The following FRAS1 variants were observed in gnomAD, a reference collection of about 807,000 sequenced individuals.
The protein encoded by FRAS1 is extracellular matrix organizing protein FRAS1.
Under a neutral mutation model 435.2 loss-of-function variants are expected in FRAS1, and 290 were observed. That is an observed-to-expected ratio of 0.67 (90% CI 0.61 to 0.73). The LOEUF is 0.73. Among genes scored for constraint, FRAS1 ranks in the 30% least tolerant of loss-of-function variants. The pLI, the probability that FRAS1 is intolerant of heterozygous loss-of-function variation, is 0.00. For missense variants in FRAS1, 4,860 were observed against 5,001.5 expected (o/e 0.97, Z 0.85); for synonymous variants, 1,800 against 1,851.0 (o/e 0.97, Z 0.71).
At chr4:78,330,923 T>C (rs1729922280) in intron 18 of FRAS1, among the ~76,000 whole-genome samples, 1 of 152,218 alleles carries the variant, frequency 6.6e-6, no homozygotes, top group Non-Finnish European at 1.5e-5. Flanking sequence ...CTCCTTCCCC[T>C]TTTGAAACTC....
intron 2 of FRAS1, among the ~76,000 whole-genome samples, chr4:78,132,524 C>CT (rs1352625280): frequency 6.6e-6 from 1 of 152,058 alleles, no homozygotes; most frequent in African/African-American, 2.4e-5. Context: ...TTGTAAGCAC[C>CT]TTTTTTGACT....
intron 14 of FRAS1, among the ~76,000 whole-genome samples, chr4:78,302,053 G>C (rs569208875): frequency 2.0e-5 from 3 of 148,628 alleles, no homozygotes; most frequent in African/African-American, 7.5e-5. Context: ...CCCTTCCTGT[G>C]TCCATGTGTT....
chr4:78,204,282 A>G (rs1384428004), intron 2 of FRAS1, among the ~76,000 whole-genome samples: 1 of 152,232 alleles, frequency 6.6e-6, no homozygotes, highest in Non-Finnish European at 1.5e-5. Context: ...ATGTTTTAGA[A>G]CGAAACTACC....
At chr4:78,277,814 T>A (rs1578223821) in intron 9 of FRAS1, among the ~76,000 whole-genome samples, 2 of 152,146 alleles carry the variant, frequency 1.3e-5, no homozygotes, top group South Asian at 2.1e-4. Flanking sequence ...GTATTCCACT[T>A]ATAATTTTTT....
In FRAS1 at chr4:78,074,734, T is replaced by G. The variant is rs79812386; in HGVS notation, c.108+8718T>G. Reference sequence around the variant, plus strand: ...TGAGATATGTGTGGAACTGCTAATATTGTTGGGTGTTTGAAAGGACCCCAT... The same window carrying G: ...TGAGATATGTGTGGAACTGCTAATAGTGTTGGGTGTTTGAAAGGACCCCAT... On this transcript the variant is annotated intron_variant, in intron 2 of 73. Transcript: ENST00000512123. 3.0e-3 allele frequency among the ~76,000 whole-genome samples: 454 copies of G among 152,266 alleles called. 2 individuals are homozygous for G. The highest frequency in any genetic ancestry group is 0.011 in the African/African-American group (437 of 41,548).
chr4:78,094,104 GTT>G lies in FRAS1; in HGVS notation c.108+28111_108+28112del, dbSNP rs71214395. ...GGTAAAATTATTTTTGAATAACCAAGTTTTTTTTTTTTTTTTTTTTTTTTGCA... is the reference window on the plus strand; with the variant it reads ...GGTAAAATTATTTTTGAATAACCAAGTTTTTTTTTTTTTTTTTTTTTTGCA... On this transcript the variant is annotated intron_variant, in intron 2 of 73. Transcript: ENST00000512123. Among the ~76,000 whole-genome samples, 265 of 106,588 alleles carry G rather than the reference GTT, an allele frequency of 2.5e-3. 1 individual carries two copies. Among genetic ancestry groups the G allele is most frequent in the Middle Eastern group, 0.011 (2 of 176 alleles). 69.9% of individuals were successfully genotyped at this position (106,588 alleles called of 152,430 possible).
At chr4:78,248,333 T>TC (rs1725353720) in intron 4 of FRAS1, among the ~76,000 whole-genome samples, 1 of 152,216 alleles carries the variant, frequency 6.6e-6, no homozygotes. Flanking sequence ...TTGAATACTT[T>TC]TTTTTCTGTG....
At chr4:78,109,358 C>G (rs1286692900) in intron 2 of FRAS1, among the ~76,000 whole-genome samples, 1 of 138,266 alleles carries the variant, frequency 7.2e-6, no homozygotes, top group Non-Finnish European at 1.6e-5. Context: ...CAATAAAATA[C>G]TGGCAAACCG....
chr4:78,415,119 G>T (rs1042923074), intron 32 of FRAS1, among the ~76,000 whole-genome samples: 1 of 152,176 alleles, frequency 6.6e-6, no homozygotes, highest in Admixed American at 6.5e-5. Flanking sequence ...AGTCCCCAAA[G>T]TCCATTGTAT....
chr4:78,253,165 C>T (rs987403114), intron 5 of FRAS1, among the ~76,000 whole-genome samples: 4 of 152,228 alleles, frequency 2.6e-5, no homozygotes, highest in East Asian at 3.9e-4. Flanking sequence ...AATAATTCAG[C>T]GATATCTCTC....
chr4:78,286,979 T>C (rs1288583867), intron 14 of FRAS1, among the ~76,000 whole-genome samples: 2 of 151,440 alleles, frequency 1.3e-5, no homozygotes, highest in Non-Finnish European at 2.9e-5. Flanking sequence ...ATGGGAGTTG[T>C]ATTAGTCTGT....
chr4:78,338,753 A>C (rs1223059534), intron 20 of FRAS1, among the ~76,000 whole-genome samples: 1 of 152,192 alleles, frequency 6.6e-6, no homozygotes, highest in East Asian at 1.9e-4. Context: ...AGGCACATTC[A>C]GTCTGGGATG....
At position 78,226,999 on chromosome 4, in the gene FRAS1, G is replaced by A. The variant is rs1032587358; in HGVS notation, c.109-10511G>A. Among the ~76,000 whole-genome samples, 61 of 152,200 alleles carry A rather than the reference G, an allele frequency of 4.0e-4. 1 individual carries two copies. The highest frequency in any genetic ancestry group is 1.4e-3 in the African/African-American group (57 of 41,536). On this transcript the variant is annotated intron_variant, in intron 2 of 73. Transcript: ENST00000512123. ...ATTTGTTTGACTTTTTGTGTTCTAGGATTTCCATTTAATTGCGTTTGTAGA... is the reference window on the plus strand; with the variant it reads ...ATTTGTTTGACTTTTTGTGTTCTAGAATTTCCATTTAATTGCGTTTGTAGA...
chr4:78,471,337 A>C (rs572643420), intron 51 of FRAS1, among the ~76,000 whole-genome samples: 79 of 151,092 alleles, frequency 5.2e-4, no homozygotes, highest in Middle Eastern at 6.8e-3. Flanking sequence ...TAGATGTTGC[A>C]CTATAGCTTC....
At chr4:78,193,599 T>G (rs985980429) in intron 2 of FRAS1, among the ~76,000 whole-genome samples, 1 of 152,084 alleles carries the variant, frequency 6.6e-6, no homozygotes, top group Non-Finnish European at 1.5e-5. Flanking sequence ...GCAACCCCTG[T>G]CTTTTTTTGT....
chr4:78,234,724 A>G (rs1724673146), intron 2 of FRAS1, among the ~76,000 whole-genome samples: 1 of 152,178 alleles, frequency 6.6e-6, no homozygotes, highest in Non-Finnish European at 1.5e-5. Flanking sequence ...CCTCAGATAG[A>G]CTTTATATTT....
intron 2 of FRAS1, among the ~76,000 whole-genome samples, chr4:78,214,640 T>G (rs1723671474): frequency 6.6e-6 from 1 of 152,222 alleles, no homozygotes; most frequent in African/African-American, 2.4e-5. Context: ...GTTTTTGATT[T>G]TACAGCAGAA....
chr4:78,367,192 G>T (rs1408112226), intron 22 of FRAS1, among the ~76,000 whole-genome samples: 4 of 152,082 alleles, frequency 2.6e-5, no homozygotes, highest in Non-Finnish European at 5.9e-5. Flanking sequence ...ATCATTTGAG[G>T]CCAGGAGTTT....
In FRAS1 at chr4:78,466,256, A is replaced by C. The variant is rs745883982; in HGVS notation, c.7078A>C (p.Ile2360Leu). 1.9e-6 allele frequency: 3 copies of C among 1,613,792 alleles called. No homozygotes were observed. Among genetic ancestry groups the C allele is most frequent in the South Asian group, 1.1e-5 (1 of 91,074 alleles). Residue 2360 changes from isoleucine (I) to leucine (L), a missense_variant, in exon 50 of 74, where the codon ATC becomes CTC. Physicochemically the swap from Ile to Leu is conservative, Grantham distance 5 (BLOSUM62 2). Transcript: ENST00000512123. Reference protein sequence around the residue: ...TIVQPPRHGTIERTSNGQHFH... With the variant: ...TIVQPPRHGTLERTSNGQHFH... ...CGTGCAGCCTCCACGCCATGGCACC[A>C]TCGAGCGAACCAGCAATGGGCAGCA... is the stretch of plus-strand genomic sequence containing the variant.
Sources: gnomAD v4.1 joint callset for allele counts (sites outside exome capture counted in the v4.1 genomes callset) on GRCh38, gnomAD v4.1.1 for gene constraint, MANE v1.5 for transcripts, NCBI Gene and HGNC (gene_info 2026-07-23, HGNC 2026-07-21) for gene names.